CITED4: variants seen among roughly 807,000 people sequenced by gnomAD.
CITED4 encodes the protein Cbp/p300 interacting transactivator with ED-rich tail 4.
CITED4 carries 3 observed loss-of-function variants against 3.3 expected under a neutral mutation model. The observed-to-expected ratio is 0.92, with a 90% CI of 0.42 to 2.38. The LOEUF (loss-of-function observed/expected upper bound fraction) is 2.38. Ranked by LOEUF, CITED4 falls within the 30% of genes most tolerant of loss-of-function variation. CITED4 has a pLI of 0.05. For synonymous variants in CITED4, 167 were observed against 145.8 expected, an observed-to-expected ratio of 1.15 and a Z score of -1.05; for missense variants, 333 against 274.2, an observed-to-expected ratio of 1.21 and a Z score of -1.51.
rs1437068773 is a variant in CITED4, at chr1:40,862,079, G to A, written c.49C>T (p.Pro17Ser). The change falls in exon 1 of 1, where the codon CCG becomes TCG. Residue 17 changes from proline (P) to serine (S), a missense_variant. Pro to Ser is a moderately conservative substitution (Grantham distance 74). Transcript: ENST00000372638. ...CCATGGGCGGCCGCGGCGGACGGCGGCCTCTGCACCAGGCGGTAGCCCTCG... is the reference window on the plus strand; with the variant it reads ...CCATGGGCGGCCGCGGCGGACGGCGACCTCTGCACCAGGCGGTAGCCCTCG... ...LAEGYRLVQR[P>S]PSAAAAHGPH... 3.2e-5 allele frequency: 42 copies of A among 1,319,278 alleles called. 1 individual carries two copies. Among genetic ancestry groups the A allele is most frequent in the Admixed American group, 3.8e-5 (1 of 26,514 alleles). 81.7% of individuals were successfully genotyped at this position (1,319,278 alleles called of 1,614,324 possible). A position where few individuals can be genotyped will look rare whatever the true frequency, so the allele number is the denominator to read the frequency against.
chr1:40,861,535 T>G lies in CITED4; in HGVS notation c.*38A>C. 7.6e-7 allele frequency: 1 copy of G among 1,321,352 alleles called. No individual in the cohort carries two copies. The highest frequency in any genetic ancestry group is 9.7e-7 in the Non-Finnish European group (1 of 1,029,670). The allele number at this position is 1,321,352 out of a possible 1,614,324, so 81.9% of individuals were successfully genotyped here. ...AGGGTCCGGCGGGCAGTCGGGCCCT[T>G]TCTCCTCTCCGGCACGCCGGGCGGG... On this transcript the variant is annotated 3_prime_UTR_variant, in exon 1 of 1. Transcript: ENST00000372638.
rs1300494236 is a variant in CITED4 at position 40,862,056 on chromosome 1, A to G, written c.72T>C (p.His24=). The change falls in exon 1 of 1, where the codon CAT becomes CAC. Residue 24 remains histidine, a synonymous_variant. Transcript: ENST00000372638. The part of the protein sequence containing the change: ...VQRPPSAAAA[H]GPHALRTLPP... ...GCAGAGTCCGGAGCGCATGAGGGCCATGGGCGGCCGCGGCGGACGGCGGCC... is the reference window on the plus strand; with the variant it reads ...GCAGAGTCCGGAGCGCATGAGGGCCGTGGGCGGCCGCGGCGGACGGCGGCC... 7.5e-7 allele frequency: 1 copy of G among 1,325,116 alleles called. No individual in the cohort carries two copies. The highest frequency in any genetic ancestry group is 9.7e-7 in the Non-Finnish European group (1 of 1,036,160). The allele number at this position is 1,325,116 out of a possible 1,614,324, so 82.1% of individuals were successfully genotyped here. A position where few individuals can be genotyped will look rare whatever the true frequency, so the allele number is the denominator to read the frequency against.
rs1649401787 is a variant in CITED4, at chr1:40,862,174, C to G, written c.-47G>C. On this transcript the variant is annotated 5_prime_UTR_variant, in exon 1 of 1. Coordinates refer to ENST00000372638, the MANE Select transcript of CITED4 (RefSeq NM_133467.3). Reference sequence around the variant, plus strand: ...GGGGACAGCGCGCGGTGGTCAGCGCCGGCTCCCCCGGCCCGGGCCAGCGGC... The same window carrying G: ...GGGGACAGCGCGCGGTGGTCAGCGCGGGCTCCCCCGGCCCGGGCCAGCGGC... The G allele has an allele frequency of 7.8e-6, 9 of 1,148,464 alleles. No individual in the cohort carries two copies. The highest frequency in any genetic ancestry group is 9.8e-6 in the Non-Finnish European group (9 of 914,196). The allele number at this position is 1,148,464 out of a possible 1,614,324, so 71.1% of individuals were successfully genotyped here.
rs1169651255 is a variant in CITED4 at position 40,862,202 on chromosome 1, C to G, written c.-75G>C. 8.2e-6 allele frequency: 8 copies of G among 971,632 alleles called. No individual in the cohort carries two copies. Among genetic ancestry groups the G allele is most frequent in the Non-Finnish European group, 1.1e-5 (8 of 760,086 alleles). 60.2% of individuals were successfully genotyped at this position (971,632 alleles called of 1,614,324 possible). A position where few individuals can be genotyped will look rare whatever the true frequency, so the allele number is the denominator to read the frequency against. ...CTCCCCCGGCCCGGGCCAGCGGCTG[C>G]TCTGCGGCGGGAGACCCGGGCACCG... On this transcript the variant is annotated 5_prime_UTR_variant, in exon 1 of 1. Coordinates refer to ENST00000372638, the MANE Select transcript of CITED4 (RefSeq NM_133467.3).
At position 40,861,996 on chromosome 1, in the gene CITED4, C is replaced by G; in HGVS notation, c.132G>C (p.Leu44=). 11 of 1,265,374 alleles carry G rather than the reference C, an allele frequency of 8.7e-6. No homozygotes were observed. Among genetic ancestry groups the G allele is most frequent in the Non-Finnish European group, 1.1e-5 (11 of 1,005,218 alleles). The allele number at this position is 1,265,374 out of a possible 1,614,324, so 78.4% of individuals were successfully genotyped here. A position where few individuals can be genotyped will look rare whatever the true frequency, so the allele number is the denominator to read the frequency against. Residue 44 remains leucine, a synonymous_variant, in exon 1 of 1, where the codon CTG becomes CTC. Transcript: ENST00000372638. Reference sequence around the variant, plus strand: ...GCCCCAGCGGAGCCCCCCGCGGCCTCAGCCCACTGTCCAGGCCCGGGCCCG... The same window carrying G: ...GCCCCAGCGGAGCCCCCCGCGGCCTGAGCCCACTGTCCAGGCCCGGGCCCG... ...PYAGPGLDSG[L]RPRGAPLGPP...
At position 40,861,765 on chromosome 1, in the gene CITED4, G is replaced by GGCTGCGGC. The variant is rs1649383995; in HGVS notation, c.355_362dup (p.Pro123GlnfsTer23). 3.4e-6 allele frequency: 4 copies of GGCTGCGGC among 1,186,516 alleles called. No homozygotes were observed. Among genetic ancestry groups the GGCTGCGGC allele is most frequent in the Middle Eastern group, 2.9e-4 (1 of 3,398 alleles). 73.5% of individuals were successfully genotyped at this position (1,186,516 alleles called of 1,614,324 possible). A position where few individuals can be genotyped will look rare whatever the true frequency, so the allele number is the denominator to read the frequency against. ...CCAGGGCGTGCGCGGGCGGCGGCGG[G>GGCTGCGGC]GCTGCGGCGCTTGGCGCCGGCTGCG... On this transcript the variant is annotated frameshift_variant, in exon 1 of 1. Coordinates refer to ENST00000372638, the MANE Select transcript of CITED4 (RefSeq NM_133467.3). LOFTEE classifies it high-confidence loss of function.
In CITED4 at chr1:40,861,616, G is replaced by A. The variant is rs1649377932; in HGVS notation, c.512C>T (p.Ser171Leu). 5 of 1,481,056 alleles carry A rather than the reference G, an allele frequency of 3.4e-6. No homozygotes were observed. The highest frequency in any genetic ancestry group is 1.3e-5 in the South Asian group (1 of 79,966). The allele number at this position is 1,481,056 out of a possible 1,614,324, so 91.7% of individuals were successfully genotyped here. Reference protein sequence around the residue: ...FLGQSEFDCFSDLGSAPPAGS... With the variant: ...FLGQSEFDCFLDLGSAPPAGS... ...GGCGGGCGGCGCGGACCCCAAGTCC[G>A]AGAAGCAGTCGAACTCGCTCTGGCC... Residue 171 changes from serine (S) to leucine (L), a missense_variant, in exon 1 of 1, where the codon TCG (serine) becomes TTG (leucine). By Grantham distance (145) the Ser-to-Leu change is moderately radical (BLOSUM62 -2). Transcript: ENST00000372638.
At position 40,862,040 on chromosome 1, in the gene CITED4, G is replaced by A. The variant is rs1206155968; in HGVS notation, c.88C>T (p.Arg30Trp). Reference protein sequence around the residue: ...AAAAHGPHALRTLPPYAGPGL... With the variant: ...AAAAHGPHALWTLPPYAGPGL... ...GGGCCCGCGTACGGCGGCAGAGTCC[G>A]GAGCGCATGAGGGCCATGGGCGGCC... is the stretch of plus-strand genomic sequence containing the variant. The change falls in exon 1 of 1, where the codon CGG becomes TGG. Residue 30 changes from arginine to tryptophan, a missense_variant. Arg to Trp is a moderately radical substitution (Grantham distance 101). Transcript: ENST00000372638. 3.8e-6 allele frequency: 5 copies of A among 1,320,172 alleles called. No homozygotes were observed. Among genetic ancestry groups the A allele is most frequent in the Admixed American group, 7.3e-5 (2 of 27,518 alleles). 81.8% of individuals were successfully genotyped at this position (1,320,172 alleles called of 1,614,324 possible).
In CITED4 at chr1:40,861,635, T is replaced by C; in HGVS notation, c.493A>G (p.Ser165Gly). ...AAGTCCGAGAAGCAGTCGAACTCGCTCTGGCCCAGGAAGAGCTCGGGCAGC... is the reference window on the plus strand; with the variant it reads ...AAGTCCGAGAAGCAGTCGAACTCGCCCTGGCCCAGGAAGAGCTCGGGCAGC... Reference protein sequence around the residue: ...RELPELFLGQSEFDCFSDLGS... With the variant: ...RELPELFLGQGEFDCFSDLGS... The change falls in exon 1 of 1, where the codon AGC becomes GGC. Residue 165 changes from serine to glycine, a missense_variant. By Grantham distance (56) the Ser-to-Gly change is moderately conservative (BLOSUM62 0). Transcript: ENST00000372638. The C allele has an allele frequency of 2.0e-6, 3 of 1,502,700 alleles. No homozygotes were observed. The highest frequency in any genetic ancestry group is 2.8e-5 in the East Asian group (1 of 35,776). 93.1% of individuals were successfully genotyped at this position (1,502,700 alleles called of 1,614,324 possible).
chr1:40,861,411 G>T lies in CITED4; in HGVS notation c.*162C>A, dbSNP rs1268229820. On this transcript the variant is annotated 3_prime_UTR_variant, in exon 1 of 1. Transcript: ENST00000372638. ...TGTCCTCCCGCAGGAGGCAAGGCCTGGAGGGACGCCAGGGTCCCAGTCCGG... is the reference window on the plus strand; with the variant it reads ...TGTCCTCCCGCAGGAGGCAAGGCCTTGAGGGACGCCAGGGTCCCAGTCCGG... The T allele has an allele frequency of 3.0e-5, 11 of 367,334 alleles. No homozygotes were observed. The highest frequency in any genetic ancestry group is 5.3e-5 in the Non-Finnish European group (11 of 209,418). The allele number at this position is 367,334 out of a possible 1,614,324, so 22.8% of individuals were successfully genotyped here.
chr1:40,861,821 G>A lies in CITED4; in HGVS notation c.307C>T (p.Pro103Ser), dbSNP rs1649385931. 4 of 1,096,722 alleles carry A rather than the reference G, an allele frequency of 3.6e-6. No homozygotes were observed. Among genetic ancestry groups the A allele is most frequent in the South Asian group, 4.3e-5 (1 of 23,178 alleles). The allele number at this position is 1,096,722 out of a possible 1,614,324, so 67.9% of individuals were successfully genotyped here. A position where few individuals can be genotyped will look rare whatever the true frequency, so the allele number is the denominator to read the frequency against. Reference protein sequence around the residue: ...ATPYPGRAAAPPNAPGGPPGP... With the variant: ...ATPYPGRAAASPNAPGGPPGP... ...GGGGGGCCTCCCGGAGCGTTGGGGG[G>A]CGCGGCCGCGCGGCCGGGGTACGGC... The change falls in exon 1 of 1, where the codon CCC becomes TCC. Residue 103 changes from proline to serine, a missense_variant. Coordinates refer to ENST00000372638, the MANE Select transcript of CITED4 (RefSeq NM_133467.3).
chr1:40,861,918 C>A lies in CITED4; in HGVS notation c.210G>T (p.Pro70=). The A allele has an allele frequency of 8.0e-7, 1 of 1,253,850 alleles. No homozygotes were observed. The highest frequency in any genetic ancestry group is 1.0e-6 in the Non-Finnish European group (1 of 995,968). The allele number at this position is 1,253,850 out of a possible 1,614,324, so 77.7% of individuals were successfully genotyped here. Residue 70 remains proline, a synonymous_variant, in exon 1 of 1, where the codon CCG becomes CCT. Coordinates refer to ENST00000372638, the MANE Select transcript of CITED4 (RefSeq NM_133467.3). ...GALAYGAFGP[P]SSFQPFPAVP... ...CGGCCGGAAAGGGCTGGAAGGAGGA[C>A]GGCGGCCCGAAGGCCCCGTACGCCA...
rs1013184471 is a variant in CITED4 at position 40,862,248 on chromosome 1, C to G, written c.-121G>C. ...CACCGTGCGGTCCCTGCAGCTCGGC[C>G]GGGCGGAGCAAAACCAAACCCGACT... On this transcript the variant is annotated 5_prime_UTR_variant, in exon 1 of 1. Transcript: ENST00000372638. 1.8e-6 allele frequency: 1 copy of G among 556,766 alleles called. No individual in the cohort carries two copies. The highest frequency in any genetic ancestry group is 2.6e-6 in the Non-Finnish European group (1 of 384,352). The allele number at this position is 556,766 out of a possible 1,614,324, so 34.5% of individuals were successfully genotyped here.
In CITED4 at chr1:40,861,756, C is replaced by A. The variant is rs943669570; in HGVS notation, c.372G>T (p.Pro124=). 6 of 1,251,220 alleles carry A rather than the reference C, an allele frequency of 4.8e-6. No individual in the cohort carries two copies. The African/African-American group carries it at 9.5e-5, about 20-fold the overall frequency. The allele number at this position is 1,251,220 out of a possible 1,614,324, so 77.5% of individuals were successfully genotyped here. A position where few individuals can be genotyped will look rare whatever the true frequency, so the allele number is the denominator to read the frequency against. ...CCATGCCGCCCAGGGCGTGCGCGGG[C>A]GGCGGCGGGGCTGCGGCGCTTGGCG... ...QPAPSAAAPP[P]PAHALGGMDA... Residue 124 remains proline, a synonymous_variant, in exon 1 of 1, where the codon CCG becomes CCT. Coordinates refer to ENST00000372638, the MANE Select transcript of CITED4 (RefSeq NM_133467.3).
chr1:40,862,154 C>T lies in CITED4; in HGVS notation c.-27G>A. ...GCGGCAGGCCGGCTGCCTGCGGGGA[C>T]AGCGCGCGGTGGTCAGCGCCGGCTC... is the stretch of plus-strand genomic sequence containing the variant. On this transcript the variant is annotated 5_prime_UTR_variant, in exon 1 of 1. Transcript: ENST00000372638. The T allele has an allele frequency of 1.6e-6, 2 of 1,239,332 alleles. No individual in the cohort carries two copies. The highest frequency in any genetic ancestry group is 2.0e-6 in the Non-Finnish European group (2 of 989,140). 76.8% of individuals were successfully genotyped at this position (1,239,332 alleles called of 1,614,324 possible). A position where few individuals can be genotyped will look rare whatever the true frequency, so the allele number is the denominator to read the frequency against.
In CITED4 at chr1:40,861,821, G is replaced by C; in HGVS notation, c.307C>G (p.Pro103Ala). 9.1e-7 allele frequency: 1 copy of C among 1,096,830 alleles called. No individual in the cohort carries two copies. The highest frequency in any genetic ancestry group is 1.1e-6 in the Non-Finnish European group (1 of 903,776). 67.9% of individuals were successfully genotyped at this position (1,096,830 alleles called of 1,614,324 possible). A position where few individuals can be genotyped will look rare whatever the true frequency, so the allele number is the denominator to read the frequency against. The change falls in exon 1 of 1, where the codon CCC becomes GCC. Residue 103 changes from proline (P) to alanine (A), a missense_variant. By Grantham distance (27) the Pro-to-Ala change is conservative. Coordinates refer to ENST00000372638, the MANE Select transcript of CITED4 (RefSeq NM_133467.3). ...ATPYPGRAAA[P>A]PNAPGGPPGP... ...GGGGGGCCTCCCGGAGCGTTGGGGG[G>C]CGCGGCCGCGCGGCCGGGGTACGGC...
Position 40,861,933 on chromosome 1 carries a change from C to A in CITED4, c.195G>T (p.Gly65=), listed in dbSNP as rs1198537106. The change falls in exon 1 of 1, where the codon GGG becomes GGT. Residue 65 remains glycine, a synonymous_variant. Coordinates refer to ENST00000372638, the MANE Select transcript of CITED4 (RefSeq NM_133467.3). ...GGAAGGAGGACGGCGGCCCGAAGGC[C>A]CCGTACGCCAGGGCCCCGGGTTGGC... is the stretch of plus-strand genomic sequence containing the variant. ...PPRQPGALAY[G]AFGPPSSFQP... 7.2e-6 allele frequency: 9 copies of A among 1,245,748 alleles called. No individual in the cohort carries two copies. Among genetic ancestry groups the A allele is most frequent in the African/African-American group, 6.3e-5 (4 of 62,998 alleles). The allele number at this position is 1,245,748 out of a possible 1,614,324, so 77.2% of individuals were successfully genotyped here.
Position 40,861,365 on chromosome 1 carries a change from G to A in CITED4, c.*208C>T, listed in dbSNP as rs1649368403. 6.0e-6 allele frequency: 2 copies of A among 332,848 alleles called. No homozygotes were observed. The highest frequency in any genetic ancestry group is 1.5e-4 in the South Asian group (1 of 6,854). 20.6% of individuals were successfully genotyped at this position (332,848 alleles called of 1,614,324 possible). The stretch of plus-strand genomic sequence containing the variant: ...CTTTCACTTTACGGCCGAGGCTGGG[G>A]TCAGAGAAGTGAAGCCAAACTGTCC... On this transcript the variant is annotated 3_prime_UTR_variant, in exon 1 of 1. Coordinates refer to ENST00000372638, the MANE Select transcript of CITED4 (RefSeq NM_133467.3).
chr1:40,862,290 C>A lies in CITED4; in HGVS notation c.-163G>T. On this transcript the variant is annotated 5_prime_UTR_variant, in exon 1 of 1. Transcript: ENST00000372638. ...AACCCGACTGGTGCCCCGGCCCAGCCCACTACTGCGCACCTTGCGGCCGCA... is the reference window on the plus strand; with the variant it reads ...AACCCGACTGGTGCCCCGGCCCAGCACACTACTGCGCACCTTGCGGCCGCA... The A allele has an allele frequency of 2.7e-6, 1 of 367,664 alleles. No individual in the cohort carries two copies. Among genetic ancestry groups the A allele is most frequent in the Non-Finnish European group, 4.7e-6 (1 of 211,670 alleles). 22.8% of individuals were successfully genotyped at this position (367,664 alleles called of 1,614,324 possible).
Sources: allele counts gnomAD v4.1 joint callset, GRCh38; gene constraint gnomAD v4.1.1; transcripts MANE v1.5; gene names NCBI Gene and HGNC (gene_info 2026-07-23, HGNC 2026-07-21).